HSPG2: variants seen among roughly 807,000 people sequenced by gnomAD.
The protein encoded by HSPG2 is basement membrane-specific heparan sulfate proteoglycan core protein.
Under a neutral mutation model 526.6 loss-of-function variants are expected in HSPG2, and 278 were observed. The ratio of observed to expected loss-of-function variants is 0.53; its 90% CI spans 0.48 to 0.58. HSPG2 has a LOEUF of 0.58. Ranked by LOEUF, HSPG2 falls within the 20% of genes least tolerant of loss-of-function variation. The pLI is 0.00. For synonymous variants in HSPG2, 2,465 were observed against 2,555.4 expected (o/e 0.96, Z 1.07); for missense variants, 5,354 against 6,099.5 (o/e 0.88, Z 4.07).
intron 6 of HSPG2, chr1:21,888,576 G>C: frequency 1.1e-6 from 1 of 927,838 alleles, no homozygotes; most frequent in Non-Finnish European, 1.5e-6. Context: ...AAAGTGCTGG[G>C]GTTACAGGCG....
chr1:21,851,013 C>T (rs1638848647), intron 55 of HSPG2, among the ~76,000 whole-genome samples: 1 of 149,466 alleles, frequency 6.7e-6, no homozygotes, highest in Non-Finnish European at 1.5e-5. Context: ...CGCTCTGTTG[C>T]CCAGGCTGGA....
intron 1 of HSPG2, among the ~76,000 whole-genome samples, chr1:21,901,855 G>A (rs1055800723): frequency 3.3e-5 from 5 of 152,138 alleles, no homozygotes; most frequent in South Asian, 2.1e-4. Context: ...CTCTGCCTCA[G>A]TGCCCCTTCC....
chr1:21,869,395 T>G (rs1640479017), intron 33 of HSPG2: 2 of 969,240 alleles, frequency 2.1e-6, no homozygotes, highest in Non-Finnish European at 2.5e-6. Flanking sequence ...TTGGTGAAGT[T>G]GGTTCAGAAA....
rs2454293 is a variant in HSPG2 at position 21,878,973 on chromosome 1, T to A, written c.2471+21A>T. 24 of 1,604,940 alleles carry A rather than the reference T, an allele frequency of 1.5e-5. No homozygotes were observed. The East Asian group carries it at 3.8e-4, about 25-fold the overall frequency. ...GCACTGTCCCCAGCCAAACCCCCCC[T>A]GACCCGGAGCTGGGGCTGACCTGCG... On this transcript the variant is annotated intron_variant, in intron 18 of 96. Coordinates refer to ENST00000374695, the MANE Select transcript of HSPG2 (RefSeq NM_005529.7).
chr1:21,863,070 A>AAAAAAAAAAAC (rs1557740534), intron 37 of HSPG2, among the ~76,000 whole-genome samples: 14 of 134,196 alleles, frequency 1.0e-4, no homozygotes, highest in Admixed American at 3.0e-4. Flanking sequence ...CAAAAAAAAA[A>AAAAAAAAAAAC]AAAAAAAAAA....
chr1:21,918,998 G>A (rs952301568), intron 1 of HSPG2, among the ~76,000 whole-genome samples: 1 of 152,216 alleles, frequency 6.6e-6, no homozygotes, highest in Admixed American at 6.5e-5. Context: ...CCGCCCTACA[G>A]GCCATGTCAG....
Position 21,865,514 on chromosome 1 carries a change from C to T in HSPG2, c.4315-149G>A. The T allele has an allele frequency of 4.6e-6, 4 of 867,766 alleles. 1 individual carries two copies. Among genetic ancestry groups the T allele is most frequent in the Non-Finnish European group, 7.6e-6 (4 of 525,460 alleles). 53.8% of individuals were successfully genotyped at this position (867,766 alleles called of 1,614,324 possible). A position where few individuals can be genotyped will look rare whatever the true frequency, so the allele number is the denominator to read the frequency against. ...TGCGCCCAAAGGAGTCAGGCACATGCCCACTGCCCCCTTCTCCCAGCAGCA... is the reference window on the plus strand; with the variant it reads ...TGCGCCCAAAGGAGTCAGGCACATGTCCACTGCCCCCTTCTCCCAGCAGCA... On this transcript the variant is annotated intron_variant, in intron 34 of 96. Transcript: ENST00000374695. The surrounding 1 kb of genome is among the most constrained non-coding windows in gnomAD (Gnocchi z 5.4).
chr1:21,898,934 C>G lies in HSPG2; in HGVS notation c.64-2624G>C, dbSNP rs1642933573. On this transcript the variant is annotated intron_variant, in intron 1 of 96. Transcript: ENST00000374695. This position sits in a 1 kb window ranked among gnomAD's most constrained non-coding sequence, Gnocchi z 4.0. ...TCCCAGGGAGCAGGGAGCTGGTCAG[C>G]GGGTGGCGGCGGGGGTGGCCTTGGG... Among the ~76,000 whole-genome samples, 1 of 152,184 alleles carries G rather than the reference C, an allele frequency of 6.6e-6. No homozygotes were observed. Among genetic ancestry groups the G allele is most frequent in the Admixed American group, 6.5e-5 (1 of 15,278 alleles).
Position 21,884,652 on chromosome 1 carries a change from G to C in HSPG2, c.1530C>G (p.Phe510Leu). ...PQRGPCPDGHFYLEHSAACLP... is the reference protein window; with the variant it reads ...PQRGPCPDGHLYLEHSAACLP... ...GGCAGGCGGCGCTGTGCTCCAGGTA[G>C]AAGTGGCCGTCAGGGCAGGGGCCTG... Residue 510 changes from phenylalanine (F) to leucine (L), a missense_variant, in exon 13 of 97, where the codon TTC (phenylalanine) becomes TTG (leucine). Phe to Leu is a conservative substitution (Grantham distance 22). Transcript: ENST00000374695. 6.2e-7 allele frequency: 1 copy of C among 1,612,168 alleles called. No homozygotes were observed.
In HSPG2 at chr1:21,885,426, G is replaced by A. The variant is rs1192772015; in HGVS notation, c.1104C>T (p.Cys368=). 9 of 1,613,854 alleles carry A rather than the reference G, an allele frequency of 5.6e-6. No individual in the cohort carries two copies. The highest frequency in any genetic ancestry group is 1.6e-4 in the Middle Eastern group (1 of 6,078). Residue 368 remains cysteine, a synonymous_variant, in exon 10 of 97, where the codon TGC becomes TGT. Coordinates refer to ENST00000374695, the MANE Select transcript of HSPG2 (RefSeq NM_005529.7). ...AGACGCATCGGAACTGTGTGGGCCC[G>A]CACACTTCCTCAGGACGCTTGGTGG... ...NCPTKRPEEV[C]GPTQFRCVST...
chr1:21,854,716 A>G lies in HSPG2; in HGVS notation c.6183T>C (p.Ser2061=), dbSNP rs1572237876. ...GGTCGAGTGTTTGCCCTTCTGTCACAGAAGGCGATGAGGACTCAATCTTGA... is the reference window on the plus strand; with the variant it reads ...GGTCGAGTGTTTGCCCTTCTGTCACGGAAGGCGATGAGGACTCAATCTTGA... ...PPVKIESSSP[S]VTEGQTLDLN... Residue 2061 remains serine (S), a synonymous_variant, in exon 49 of 97, where the codon TCT becomes TCC. Coordinates refer to ENST00000374695, the MANE Select transcript of HSPG2 (RefSeq NM_005529.7). 7 of 1,613,384 alleles carry G rather than the reference A, an allele frequency of 4.3e-6. No individual in the cohort carries two copies. Among genetic ancestry groups the G allele is most frequent in the Admixed American group, 1.7e-5 (1 of 59,918 alleles).
rs1640039398 is a variant in HSPG2, at chr1:21,864,148, T to C, written c.4692A>G (p.Glu1564=). 2.6e-6 allele frequency: 4 copies of C among 1,557,334 alleles called. No individual in the cohort carries two copies. Among genetic ancestry groups the C allele is most frequent in the Non-Finnish European group, 3.5e-6 (4 of 1,150,466 alleles). Residue 1564 remains glutamate (E), a synonymous_variant, in exon 37 of 97, where the codon GAA becomes GAG. Transcript: ENST00000374695. This position sits in a 1 kb window ranked among gnomAD's most constrained non-coding sequence, Gnocchi z 4.8. ...GGCACAGGTCTGAGTGGCCATTGCA[T>C]TCACATAGCTCGCAGTGGCCGAGGT... The part of the protein sequence containing the change: ...GLYLGHCELC[E]CNGHSDLCHP...
chr1:21,891,038 G>A (rs949344424), intron 3 of HSPG2, among the ~76,000 whole-genome samples: 3 of 152,238 alleles, frequency 2.0e-5, no homozygotes, highest in Non-Finnish European at 2.9e-5. Flanking sequence ...GATTACCTGC[G>A]TGTGACTGGG....
intron 1 of HSPG2, among the ~76,000 whole-genome samples, chr1:21,925,725 A>C (rs1016738441): frequency 2.6e-5 from 4 of 152,168 alleles, no homozygotes; most frequent in Non-Finnish European, 5.9e-5. Flanking sequence ...TTCTCCACAC[A>C]GCCCTCCCAG....
chr1:21,823,389 G>A lies in HSPG2; in HGVS notation c.13103C>T (p.Ala4368Val). ...CAGGTCCAGGGGCTGTGGGGGCGGGGCGCCGGGTCGGGCCGAGTGCAGCAC... is the reference window on the plus strand; with the variant it reads ...CAGGTCCAGGGGCTGTGGGGGCGGGACGCCGGGTCGGGCCGAGTGCAGCAC... ...NLVLHSARPG[A>V]PPPQPLDLQH... Residue 4368 changes from alanine (A) to valine (V), a missense_variant, in exon 97 of 97, where the codon GCC (alanine) becomes GTC (valine). Physicochemically the swap from Ala to Val is moderately conservative, Grantham distance 64 (BLOSUM62 0). Coordinates refer to ENST00000374695, the MANE Select transcript of HSPG2 (RefSeq NM_005529.7). 3.2e-6 allele frequency: 5 copies of A among 1,558,362 alleles called. No individual in the cohort carries two copies. The highest frequency in any genetic ancestry group is 4.3e-6 in the Non-Finnish European group (5 of 1,156,558).
At position 21,834,807 on chromosome 1, in the gene HSPG2, G is replaced by A. The variant is rs779105494; in HGVS notation, c.10592C>T (p.Pro3531Leu). Residue 3531 changes from proline to leucine, a missense_variant, in exon 77 of 97, where the codon CCA becomes CTA. By Grantham distance (98) the Pro-to-Leu change is moderately conservative. Transcript: ENST00000374695. ...GACACCTCCGCTCTGCACAATGCCTGGCCGCAGGTGCCCTCCAACTTTGCT... is the reference window on the plus strand; with the variant it reads ...GACACCTCCGCTCTGCACAATGCCTAGCCGCAGGTGCCCTCCAACTTTGCT... ...TWSKVGGHLR[P>L]GIVQSGGVVR... 2 of 1,614,228 alleles carry A rather than the reference G, an allele frequency of 1.2e-6. No homozygotes were observed. Among genetic ancestry groups the A allele is most frequent in the South Asian group, 1.1e-5 (1 of 91,090 alleles).
chr1:21,872,491 CGAGA>C lies in HSPG2; in HGVS notation c.4030-118_4030-115del. 7.1e-7 allele frequency: 1 copy of C among 1,412,838 alleles called. No individual in the cohort carries two copies. 87.5% of individuals were successfully genotyped at this position (1,412,838 alleles called of 1,614,324 possible). ...TGGGGTCCTGTTGAGATCAGGACTG[CGAGA>C]GAAATAATGGGGGCATGTGAGGGTA... is the stretch of plus-strand genomic sequence containing the variant. On this transcript the variant is annotated intron_variant, in intron 32 of 96. Transcript: ENST00000374695. This position sits in a 1 kb window ranked among gnomAD's most constrained non-coding sequence, Gnocchi z 5.5.
Position 21,851,880 on chromosome 1 carries a change from G to T in HSPG2, c.6917C>A (p.Ala2306Glu), listed in dbSNP as rs758311848. 2 of 1,612,116 alleles carry T rather than the reference G, an allele frequency of 1.2e-6. No homozygotes were observed. The highest frequency in any genetic ancestry group is 2.2e-5 in the East Asian group (1 of 44,840). ...LYIFQASPAD[A>E]GQYVCRASNG... is the part of the protein sequence containing the mutation. ...GCTGGCCCGGCAGACGTACTGTCCCGCATCGGCAGGTGAGGCCTGGAAGAT... is the reference window on the plus strand; with the variant it reads ...GCTGGCCCGGCAGACGTACTGTCCCTCATCGGCAGGTGAGGCCTGGAAGAT... Residue 2306 changes from alanine (A) to glutamate (E), a missense_variant, in exon 54 of 97, where the codon GCG becomes GAG. Ala to Glu is a moderately radical substitution (Grantham distance 107). Coordinates refer to ENST00000374695, the MANE Select transcript of HSPG2 (RefSeq NM_005529.7).
chr1:21,843,850 G>A (rs2098059964), intron 65 of HSPG2, among the ~76,000 whole-genome samples: 1 of 152,170 alleles, frequency 6.6e-6, no homozygotes, highest in East Asian at 1.9e-4. Context: ...TGGCCGGGCT[G>A]GCTTTGAACT....
Sources: gnomAD v4.1 joint callset for allele counts (sites outside exome capture counted in the v4.1 genomes callset) on GRCh38, gnomAD v4.1.1 for gene constraint, Gnocchi (gnomAD v3.1) non-coding constraint, MANE v1.5 for transcripts, NCBI Gene and HGNC (gene_info 2026-07-23, HGNC 2026-07-21) for gene names.